The following ZNF28 variants were observed in gnomAD, a reference collection of about 807,000 sequenced individuals.
ZNF28 encodes zinc finger protein KOX24.
In ZNF28, 5 loss-of-function variants were observed where a neutral mutation model predicts 7.2. The ratio of observed to expected loss-of-function variants is 0.70; its 90% CI spans 0.36 to 1.46. The LOEUF (loss-of-function observed/expected upper bound fraction) is 1.46, where lower values mean the gene tolerates loss of function less well. Ranked by LOEUF, ZNF28 falls within the 40% of genes most tolerant of loss-of-function variation. The pLI is 0.03. For synonymous variants in ZNF28, 288 were observed against 292.4 expected (o/e 0.99, Z 0.15); for missense variants, 879 against 866.6 (o/e 1.01, Z -0.18).
At chr19:52,809,881 G>C in intron 2 of ZNF28, 1 of 740,190 alleles carries the variant, frequency 1.4e-6, no homozygotes, top group Non-Finnish European at 2.3e-6. Flanking sequence ...GGCGGTCCGG[G>C]ATCCAGGCCG....
Position 52,799,224 on chromosome 19 carries a change from A to C in ZNF28, c.*464T>G, listed in dbSNP as rs2062831039. 1 of 398,110 alleles carries C rather than the reference A, an allele frequency of 2.5e-6. No homozygotes were observed. Among genetic ancestry groups the C allele is most frequent in the Non-Finnish European group, 4.9e-6 (1 of 205,270 alleles). The allele number at this position is 398,110 out of a possible 1,614,324, so 24.7% of individuals were successfully genotyped here. ...AATACGAATTGCCTTTTGAATTACA[A>C]GGTATGAATTTTGACCAAAGGTGTT... On this transcript the variant is annotated 3_prime_UTR_variant, in exon 4 of 4. Coordinates refer to ENST00000457749, the MANE Select transcript of ZNF28 (RefSeq NM_006969.5).
intron 2 of ZNF28, among the ~76,000 whole-genome samples, chr19:52,814,706 G>A (rs1293619969): frequency 4.1e-5 from 6 of 146,332 alleles, no homozygotes; most frequent in Non-Finnish European, 7.4e-5. Context: ...CTAAAAAGGT[G>A]AAACCCCATC....
intron 2 of ZNF28, among the ~76,000 whole-genome samples, chr19:52,816,184 A>G (rs192623264): frequency 1.4e-5 from 2 of 144,696 alleles, no homozygotes; most frequent in African/African-American, 5.4e-5. Flanking sequence ...CACAAAATAT[A>G]TACATCATGT....
rs2062828814 is a variant in ZNF28, at chr19:52,798,983, T to C, written c.*705A>G. On this transcript the variant is annotated 3_prime_UTR_variant, in exon 4 of 4. Coordinates refer to ENST00000457749, the MANE Select transcript of ZNF28 (RefSeq NM_006969.5). ...TCTAGTATGGTGTGCCAGGTGTGAATCACTCCCAAAAGCCTTGTTACAAAC... is the reference window on the plus strand; with the variant it reads ...TCTAGTATGGTGTGCCAGGTGTGAACCACTCCCAAAAGCCTTGTTACAAAC... 2.7e-6 allele frequency: 3 copies of C among 1,097,892 alleles called. No homozygotes were observed. The highest frequency in any genetic ancestry group is 1.6e-5 in the African/African-American group (1 of 62,446). The allele number at this position is 1,097,892 out of a possible 1,614,324, so 68.0% of individuals were successfully genotyped here.
intron 1 of ZNF28, among the ~76,000 whole-genome samples, chr19:52,819,165 G>T (rs926603253): frequency 7.2e-6 from 1 of 138,488 alleles, no homozygotes; most frequent in Non-Finnish European, 1.5e-5. Context: ...TCAGATGAGG[G>T]TAAGCTCCCA....
In ZNF28 at chr19:52,801,683, C is replaced by G. The variant is rs144732231; in HGVS notation, c.162G>C (p.Met54Ile). 6.2e-7 allele frequency: 1 copy of G among 1,611,572 alleles called. No homozygotes were observed. Among genetic ancestry groups the G allele is most frequent in the Admixed American group, 1.7e-5 (1 of 59,514 alleles). ...GCCCTGTTGAGAAGAATGTCTTCAT[C>G]ATGCATTTGGAAGAGATATCTACAA... Reference protein sequence around the residue: ...LVSLDISSKCMMKTFFSTGQG... With the variant: ...LVSLDISSKCIMKTFFSTGQG... Residue 54 changes from methionine to isoleucine, a missense_variant, in exon 4 of 4, where the codon ATG (methionine) becomes ATC (isoleucine). Around this residue, in one of 2 missense-constraint regions of ZNF28, gnomAD observed 864 missense variants for 830.2 expected, o/e 1.04. Coordinates refer to ENST00000457749, the MANE Select transcript of ZNF28 (RefSeq NM_006969.5).
chr19:52,807,955 A>G (rs1859004740), intron 3 of ZNF28, 52 bp downstream of exon 3: 1 of 1,609,990 alleles, frequency 6.2e-7, no homozygotes, highest in Non-Finnish European at 8.5e-7. Context: ...AAGAGGCAAC[A>G]AGAGAAAATA....
rs1357256028 is a variant in ZNF28 at position 52,820,203 on chromosome 19, T to C, written c.-74+1383A>G. On this transcript the variant is annotated intron_variant, in intron 1 of 3. Transcript: ENST00000457749. Reference sequence around the variant, plus strand: ...CGCAATCTCGGCTCACTGCAAGCTCTGCTTCCCGGGTTCACGCCATTCTCC... The same window carrying C: ...CGCAATCTCGGCTCACTGCAAGCTCCGCTTCCCGGGTTCACGCCATTCTCC... Among the ~76,000 whole-genome samples, 165 of 137,556 alleles carry C rather than the reference T, an allele frequency of 1.2e-3. 26 individuals carry two copies. The highest frequency in any genetic ancestry group is 4.4e-3 in the African/African-American group (146 of 32,834). The allele number at this position is 137,556 out of a possible 152,430, so 90.2% of individuals were successfully genotyped here.
chr19:52,809,786 C>G, intron 2 of ZNF28: 1 of 502,796 alleles, frequency 2.0e-6, no homozygotes. Flanking sequence ...GCCTGGGTGA[C>G]AGAGCGAAAA....
chr19:52,819,433 T>C (rs2063167832), intron 1 of ZNF28, among the ~76,000 whole-genome samples: 2 of 133,026 alleles, frequency 1.5e-5, no homozygotes, highest in African/African-American at 3.1e-5. Flanking sequence ...TGCATCCCAC[T>C]GAAAATTCTA....
chr19:52,809,960 C>T (rs111656858), intron 2 of ZNF28: 64,321 of 804,592 alleles, frequency 0.08, 4,039 homozygotes, highest in Admixed American at 0.25. Flanking sequence ...GCGCAGGGGA[C>T]GATGGGAACG....
intron 1 of ZNF28, among the ~76,000 whole-genome samples, chr19:52,818,422 T>C (rs1398561156): frequency 1.3e-5 from 2 of 151,692 alleles, no homozygotes; most frequent in Admixed American, 6.6e-5. Context: ...ACTAAAAATA[T>C]AAAAATTGGG....
chr19:52,818,870 TGA>T (rs1344142705), intron 1 of ZNF28, among the ~76,000 whole-genome samples: 1 of 120,186 alleles, frequency 8.3e-6, no homozygotes, highest in Non-Finnish European at 1.6e-5. Flanking sequence ...GAGGACAGAA[TGA>T]GAGTCTGTTT....
chr19:52,812,873 ATAGTTTTAAGGCTAC>A (rs2147667489), intron 2 of ZNF28, among the ~76,000 whole-genome samples: 1 of 151,416 alleles, frequency 6.6e-6, no homozygotes, highest in Admixed American at 6.6e-5. Context: ...CCTGATTACT[ATAGTTTTAAGGCTAC>A]TTAAAAGGTC....
At chr19:52,809,699 G>C in intron 2 of ZNF28, 1 of 376,194 alleles carries the variant, frequency 2.7e-6, no homozygotes. Context: ...TCAGCTACTC[G>C]AGAGGCTGAG....
rs2062869428 is a variant in ZNF28 at position 52,801,439 on chromosome 19, T to C, written c.406A>G (p.Ile136Val). The C allele has an allele frequency of 6.2e-7, 1 of 1,614,248 alleles. No individual in the cohort carries two copies. The highest frequency in any genetic ancestry group is 2.2e-5 in the East Asian group (1 of 44,882). Residue 136 changes from isoleucine to valine, a missense_variant, in exon 4 of 4, where the codon ATT (isoleucine) becomes GTT (valine). Around this residue, in one of 2 missense-constraint regions of ZNF28, gnomAD observed 864 missense variants for 830.2 expected, o/e 1.04. Transcript: ENST00000457749. ...HDQRHAGNKH[I>V]KDQLGLSFHS... The stretch of plus-strand genomic sequence containing the variant: ...AAGCTTAATCCAAGCTGATCTTTAA[T>C]ATGCTTGTTTCCAGCATGCCTTTGA...
intron 3 of ZNF28, among the ~76,000 whole-genome samples, chr19:52,806,911 G>T (rs1446989315): frequency 6.6e-6 from 1 of 152,114 alleles, no homozygotes; most frequent in Admixed American, 6.6e-5. Flanking sequence ...TAAAAAAAGA[G>T]AGAAAGAAAG....
At chr19:52,821,289 A>G (rs1216576526) in intron 1 of ZNF28, among the ~76,000 whole-genome samples, 5 of 152,150 alleles carry the variant, frequency 3.3e-5, no homozygotes, top group Admixed American at 1.3e-4. Flanking sequence ...CTCTAGGGTG[A>G]GGACTTTAAA....
Position 52,800,180 on chromosome 19 carries a change from T to A in ZNF28, c.1665A>T (p.Glu555Asp). ...HTAEKPYKCE[E>D]CEKVFSRKSH... ...ATTTGCGACTGAAAACTTTCTCACA[T>A]TCTTCACATTTGTACGGTTTCTCTG... is the stretch of plus-strand genomic sequence containing the variant. Residue 555 changes from glutamate to aspartate, a missense_variant, in exon 4 of 4, where the codon GAA (glutamate) becomes GAT (aspartate). This residue lies in a region of ZNF28 where 864 missense variants were observed against 830.2 expected (regional missense o/e 1.04). Transcript: ENST00000457749. 1 of 1,613,596 alleles carries A rather than the reference T, an allele frequency of 6.2e-7. No individual in the cohort carries two copies. Among genetic ancestry groups the A allele is most frequent in the Non-Finnish European group, 8.5e-7 (1 of 1,179,862 alleles).
Sources: allele counts gnomAD v4.1 joint callset (sites outside exome capture counted in the v4.1 genomes callset), GRCh38; gene constraint gnomAD v4.1.1; regional missense constraint gnomAD v4.1.1; transcripts MANE v1.5; gene names NCBI Gene and HGNC (gene_info 2026-07-23, HGNC 2026-07-21).